The following HIVEP2 variants were observed in gnomAD, a reference collection of about 807,000 sequenced individuals.
HIVEP2 encodes the protein transcription factor HIVEP2.
In HIVEP2, 14 loss-of-function variants were observed where a neutral mutation model predicts 180.7. That is an observed-to-expected ratio of 0.08 (90% CI 0.05 to 0.12). The LOEUF (loss-of-function observed/expected upper bound fraction) is 0.12. Among genes scored for constraint, HIVEP2 ranks in the 10% least tolerant of loss-of-function variants. The probability of loss-of-function intolerance (pLI) is 1.00; values close to 1 mark genes in which losing one functional copy is unlikely to be tolerated. For missense variants in HIVEP2, 2,579 were observed against 3,008.5 expected (o/e 0.86, Z 3.34); for synonymous variants, 1,184 against 1,136.4 (o/e 1.04, Z -0.84).
intron 1 of HIVEP2, among the ~76,000 whole-genome samples, chr6:142,846,556 G>T (rs958358638): frequency 1.3e-5 from 2 of 152,138 alleles, no homozygotes; most frequent in Non-Finnish European, 2.9e-5. Context: ...AGCACCACAC[G>T]TTAATTATAA....
intron 9 of HIVEP2, among the ~76,000 whole-genome samples, chr6:142,757,732 A>G (rs887195943): frequency 6.6e-6 from 1 of 152,222 alleles, no homozygotes; most frequent in African/African-American, 2.4e-5. Context: ...AAAAACTTGT[A>G]CAAACTCAGT....
chr6:142,832,640 A>G (rs1458497244), intron 2 of HIVEP2, among the ~76,000 whole-genome samples: 1 of 152,206 alleles, frequency 6.6e-6, no homozygotes, highest in Non-Finnish European at 1.5e-5. Context: ...TCAGATTCAA[A>G]CATAAAATAA....
At chr6:142,854,651 C>T (rs932988300) in intron 1 of HIVEP2, among the ~76,000 whole-genome samples, 1 of 152,138 alleles carries the variant, frequency 6.6e-6, no homozygotes, top group Non-Finnish European at 1.5e-5. Flanking sequence ...CTTGGTATCA[C>T]CTGAATGTAA....
rs1327630695 is a variant in HIVEP2 at position 142,753,479 on chromosome 6, C to T, written c.6969G>A (p.Glu2323=). ...CTTTTGTACAAGTCTGTATATTTTC[C>T]TCCTGTTCCCGCTCTGTTGCGTTTA... The part of the protein sequence containing the change: ...DSLNATEREQ[E]ENIQTCTKAI... The change falls in exon 10 of 10, where the codon GAG becomes GAA. Residue 2323 remains glutamate, a synonymous_variant. Transcript: ENST00000367603. 9 of 1,613,948 alleles carry T rather than the reference C, an allele frequency of 5.6e-6. No homozygotes were observed. Among genetic ancestry groups the T allele is most frequent in the African/African-American group, 5.3e-5 (4 of 74,924 alleles).
At chr6:142,884,527 G>A (rs1011056723) in intron 1 of HIVEP2, among the ~76,000 whole-genome samples, 22 of 152,040 alleles carry the variant, frequency 1.4e-4, no homozygotes, top group Non-Finnish European at 1.9e-4. Context: ...AACCAGTGTC[G>A]TTTCATTCAC....
chr6:142,863,056 TTATGTAATATATGTAATTA>T (rs1776046463), intron 1 of HIVEP2, among the ~76,000 whole-genome samples: 1 of 142,518 alleles, frequency 7.0e-6, no homozygotes, highest in African/African-American at 2.6e-5. Context: ...ATATTATATA[TTATGTAATATATGTAATTA>T]TATGTAATAT....
upstream of HIVEP2, among the ~76,000 whole-genome samples, chr6:142,945,651 C>T (rs1475475004): frequency 6.6e-6 from 1 of 152,214 alleles, no homozygotes; most frequent in African/African-American, 2.4e-5. The surrounding 1 kb of genome is among the most constrained non-coding windows in gnomAD (Gnocchi z 5.5). Context: ...CTCCGTGGAG[C>T]GTCAAGGTCC....
chr6:142,834,080 A>C (rs1358026567), intron 2 of HIVEP2, among the ~76,000 whole-genome samples: 1 of 152,236 alleles, frequency 6.6e-6, no homozygotes. Context: ...GATAACAGAT[A>C]GCAAATCTAA....
intron 1 of HIVEP2, among the ~76,000 whole-genome samples, chr6:142,918,431 C>T (rs1406255056): frequency 3.3e-5 from 5 of 152,250 alleles, no homozygotes; most frequent in Non-Finnish European, 5.9e-5. Flanking sequence ...ATGCGGCATT[C>T]TTCTAGCTGC....
At chr6:142,822,224 A>T (rs924825120) in intron 2 of HIVEP2, among the ~76,000 whole-genome samples, 4 of 152,358 alleles carry the variant, frequency 2.6e-5, no homozygotes, top group Non-Finnish European at 5.9e-5. Context: ...CCTCCTTGGC[A>T]GTCTGATGAA....
Position 142,945,068 on chromosome 6 carries a change from C to G in HIVEP2, c.-641+31G>C, listed in dbSNP as rs577258979. On this transcript the variant is annotated intron_variant, in intron 1 of 9. Transcript: ENST00000367603. This position sits in a 1 kb window ranked among gnomAD's most constrained non-coding sequence, Gnocchi z 5.5. ...CGCCGCCAGCCCGCCCGGCCGCCTG[C>G]GCCGCGCGCCGCGGCCCCCTCCCCC... The G allele has an allele frequency of 6.8e-6, 1 of 146,362 alleles. No individual in the cohort carries two copies. The highest frequency in any genetic ancestry group is 2.4e-5 in the African/African-American group (1 of 40,860). 9.1% of individuals were successfully genotyped at this position (146,362 alleles called of 1,614,324 possible).
intron 2 of HIVEP2, among the ~76,000 whole-genome samples, chr6:142,817,553 C>T (rs1450407310): frequency 6.6e-6 from 1 of 152,120 alleles, no homozygotes; most frequent in Non-Finnish European, 1.5e-5. Flanking sequence ...TATAACATTA[C>T]TAATAAGTAC....
chr6:142,941,614 T>C (rs1017223433), intron 1 of HIVEP2, among the ~76,000 whole-genome samples: 3 of 152,206 alleles, frequency 2.0e-5, no homozygotes, highest in African/African-American at 7.2e-5. Flanking sequence ...TCCATACTAA[T>C]AAAGGATCTG....
chr6:142,816,984 A>G (rs1468833214), intron 2 of HIVEP2, among the ~76,000 whole-genome samples: 1 of 152,096 alleles, frequency 6.6e-6, no homozygotes, highest in African/African-American at 2.4e-5. Context: ...CTCCTTGAGG[A>G]CAGGACACAC....
At chr6:142,834,725 G>A (rs1225242322) in intron 2 of HIVEP2, among the ~76,000 whole-genome samples, 1 of 152,070 alleles carries the variant, frequency 6.6e-6, no homozygotes, top group African/African-American at 2.4e-5. Context: ...ATATTGTGTG[G>A]ATGAGAATGT....
At chr6:142,818,171 G>A (rs1452049229) in intron 2 of HIVEP2, among the ~76,000 whole-genome samples, 3 of 152,146 alleles carry the variant, frequency 2.0e-5, no homozygotes, top group African/African-American at 7.2e-5. Flanking sequence ...AAAGTCACCT[G>A]CTAGAATGCC....
rs992008170 is a variant in HIVEP2, at chr6:142,932,059, G to A, written c.-641+13040C>T. Among the ~76,000 whole-genome samples the A allele has an allele frequency of 6.6e-5, 10 of 152,072 alleles. 1 individual carries two copies. Among genetic ancestry groups the A allele is most frequent in the Admixed American group, 4.6e-4 (7 of 15,258 alleles). On this transcript the variant is annotated intron_variant, in intron 1 of 9. Coordinates refer to ENST00000367603, the MANE Select transcript of HIVEP2 (RefSeq NM_006734.4). ...AGTCCTCGGCCAGGGTTGATGTTGC[G>A]CCTTCTCAGTACTTCACGTGTGCCT...
intron 1 of HIVEP2, among the ~76,000 whole-genome samples, chr6:142,869,789 A>G (rs1776241373): frequency 6.6e-6 from 1 of 152,070 alleles, no homozygotes; most frequent in Non-Finnish European, 1.5e-5. Flanking sequence ...ATTTTACTCT[A>G]CTCTCCAACT....
At chr6:142,854,089 G>T (rs1314495516) in intron 1 of HIVEP2, among the ~76,000 whole-genome samples, 2 of 152,094 alleles carry the variant, frequency 1.3e-5, no homozygotes, top group African/African-American at 4.8e-5. Context: ...GCTCTGTGTT[G>T]TTCATAAAAA....
Sources: allele counts gnomAD v4.1 joint callset (sites outside exome capture counted in the v4.1 genomes callset), GRCh38; gene constraint gnomAD v4.1.1; non-coding constraint Gnocchi (gnomAD v3.1); transcripts MANE v1.5; gene names NCBI Gene and HGNC (gene_info 2026-07-23, HGNC 2026-07-21).